Variants in RFTN2 observed in about 807,000 individuals in gnomAD.
RFTN2 encodes raftlin-2.
A neutral mutation model predicts 52.7 loss-of-function variants in RFTN2; 34 were observed. That is an observed-to-expected ratio of 0.64 (90% CI 0.49 to 0.86). The LOEUF (loss-of-function observed/expected upper bound fraction) is 0.86. Ranked by LOEUF, RFTN2 falls within the 40% of genes least tolerant of loss-of-function variation. RFTN2 has a pLI of 0.00. For missense variants in RFTN2, 536 were observed against 600.1 expected (o/e 0.89, Z 1.12); for synonymous variants, 203 against 217.7 (o/e 0.93, Z 0.59).
chr2:197,597,573 G>T (rs2087810839), intron 7 of RFTN2, among the ~76,000 whole-genome samples: 1 of 151,800 alleles, frequency 6.6e-6, no homozygotes, highest in Non-Finnish European at 1.5e-5. Context: ...AGGCTGAAGT[G>T]CAGTGGCGTG....
intron 1 of RFTN2, among the ~76,000 whole-genome samples, chr2:197,661,233 A>AT (rs112056862): frequency 1.8e-4 from 26 of 144,656 alleles, no homozygotes; most frequent in Admixed American, 2.1e-4. Context: ...ATTTAATTTA[A>AT]TTTTTTTTTT....
chr2:197,615,809 A>T (rs1048233685), intron 7 of RFTN2, 67 bp downstream of exon 7: 8 of 805,942 alleles, frequency 9.9e-6, no homozygotes, highest in Non-Finnish European at 1.6e-5. Context: ...TGTTGAATTG[A>T]ACTATCTAAC....
chr2:197,675,102 C>T (rs2089197543), intron 1 of RFTN2, among the ~76,000 whole-genome samples: 1 of 151,990 alleles, frequency 6.6e-6, no homozygotes, highest in South Asian at 2.1e-4. Flanking sequence ...AAGCAATTTC[C>T]CTAATTTTAG....
intron 1 of RFTN2, among the ~76,000 whole-genome samples, chr2:197,671,699 T>G (rs2089150154): frequency 6.6e-6 from 1 of 152,258 alleles, no homozygotes; most frequent in Admixed American, 6.5e-5. Flanking sequence ...AAATAGAATT[T>G]CTTGTTCTAA....
At chr2:197,632,308 G>A (rs1325102479) in intron 4 of RFTN2, among the ~76,000 whole-genome samples, 3 of 152,174 alleles carry the variant, frequency 2.0e-5, no homozygotes, top group Admixed American at 1.3e-4. Flanking sequence ...TTGTGGGAGG[G>A]ATCAGATAGT....
chr2:197,575,032 C>G (rs995504277), intron 8 of RFTN2, among the ~76,000 whole-genome samples: 10 of 152,168 alleles, frequency 6.6e-5, no homozygotes, highest in African/African-American at 2.4e-4. Context: ...TGAATTGTAG[C>G]TCCCATAATT....
intron 1 of RFTN2, among the ~76,000 whole-genome samples, chr2:197,656,754 T>C (rs2088899775): frequency 6.6e-6 from 1 of 152,212 alleles, no homozygotes; most frequent in East Asian, 1.9e-4. Context: ...ACTCATGCTC[T>C]AGATCTTGGG....
At chr2:197,590,230 C>T (rs1436213672) in intron 8 of RFTN2, among the ~76,000 whole-genome samples, 1 of 152,104 alleles carries the variant, frequency 6.6e-6, no homozygotes, top group African/African-American at 2.4e-5. Context: ...CCTAACTCCA[C>T]TTGACAAAGA....
intron 8 of RFTN2, among the ~76,000 whole-genome samples, chr2:197,580,858 C>T (rs1490457089): frequency 6.6e-6 from 1 of 152,126 alleles, no homozygotes; most frequent in Admixed American, 6.5e-5. Flanking sequence ...TCCCCACCTG[C>T]CCAGTTCCCT....
Position 197,576,015 on chromosome 2 carries a change from T to G in RFTN2, c.1234-3735A>C, listed in dbSNP as rs115278132. On this transcript the variant is annotated intron_variant, in intron 8 of 8. Coordinates refer to ENST00000295049, the MANE Select transcript of RFTN2 (RefSeq NM_144629.3). ...TGAGATTTCATTATAGGAGCCTTTT[T>G]TTGTTGTTGTTGAGACAGAGTCTTG... is the stretch of plus-strand genomic sequence containing the variant. 3.1e-4 allele frequency among the ~76,000 whole-genome samples: 47 copies of G among 151,032 alleles called. No individual in the cohort carries two copies. In the East Asian group the frequency reaches 7.2e-3, roughly 23 times the overall value.
intron 1 of RFTN2, among the ~76,000 whole-genome samples, chr2:197,673,147 A>G (rs1217219551): frequency 6.6e-6 from 1 of 152,188 alleles, no homozygotes; most frequent in Non-Finnish European, 1.5e-5. Flanking sequence ...AGCTGTCACC[A>G]GGCCATTTTA....
chr2:197,619,412 G>A (rs964396081), intron 5 of RFTN2, among the ~76,000 whole-genome samples: 3 of 152,246 alleles, frequency 2.0e-5, no homozygotes, highest in Non-Finnish European at 4.4e-5. Context: ...AAATTCTTCT[G>A]CCTTGGGATC....
rs188129559 is a variant in RFTN2 at position 197,632,452 on chromosome 2, T to C, written c.719-1232A>G. Among the ~76,000 whole-genome samples, 675 of 152,334 alleles carry C rather than the reference T, an allele frequency of 4.4e-3. 4 individuals carry two copies. Among genetic ancestry groups the C allele is most frequent in the African/African-American group, 0.016 (647 of 41,574 alleles). On this transcript the variant is annotated intron_variant, in intron 4 of 8. Coordinates refer to ENST00000295049, the MANE Select transcript of RFTN2 (RefSeq NM_144629.3). Reference sequence around the variant, plus strand: ...CATTCTTCTCTCTCCTGCCACCATGTGAAGAAGGACATGTTTGCTTTCCCT... The same window carrying C: ...CATTCTTCTCTCTCCTGCCACCATGCGAAGAAGGACATGTTTGCTTTCCCT...
At chr2:197,664,886 T>G (rs2089029679) in intron 1 of RFTN2, among the ~76,000 whole-genome samples, 1 of 152,218 alleles carries the variant, frequency 6.6e-6, no homozygotes, top group Admixed American at 6.5e-5. Context: ...AGTTGTTGGA[T>G]AAATGTTCTG....
chr2:197,666,535 G>A (rs1213890980), intron 1 of RFTN2, among the ~76,000 whole-genome samples: 1 of 152,184 alleles, frequency 6.6e-6, no homozygotes, highest in African/African-American at 2.4e-5. Flanking sequence ...TTTTATAGGT[G>A]ACTAGATACT....
intron 7 of RFTN2, among the ~76,000 whole-genome samples, chr2:197,612,559 G>C (rs1445162761): frequency 6.6e-6 from 1 of 152,178 alleles, no homozygotes; most frequent in South Asian, 2.1e-4. Context: ...CTTTCACCTT[G>C]AACTCTTGAA....
intron 5 of RFTN2, among the ~76,000 whole-genome samples, chr2:197,628,381 A>G (rs2088404411): frequency 6.6e-6 from 1 of 152,080 alleles, no homozygotes; most frequent in Non-Finnish European, 1.5e-5. Context: ...CTGCTGAGAG[A>G]GGGAGTCTCC....
chr2:197,647,611 C>G (rs992750276), intron 1 of RFTN2, among the ~76,000 whole-genome samples: 4 of 152,158 alleles, frequency 2.6e-5, no homozygotes, highest in African/African-American at 9.7e-5. Flanking sequence ...TTTCTTATTT[C>G]TAATTACTCT....
chr2:197,583,151 GA>G (rs2087537973), intron 8 of RFTN2, among the ~76,000 whole-genome samples: 1 of 152,144 alleles, frequency 6.6e-6, no homozygotes, highest in Admixed American at 6.5e-5. Context: ...TATCCTTAAG[GA>G]AATCACTTCT....
Sources: allele counts gnomAD v4.1 joint callset (sites outside exome capture counted in the v4.1 genomes callset), GRCh38; gene constraint gnomAD v4.1.1; transcripts MANE v1.5; gene names NCBI Gene and HGNC (gene_info 2026-07-23, HGNC 2026-07-21).